HDAC5: variants seen among roughly 807,000 people sequenced by gnomAD.
HDAC5 encodes the protein histone deacetylase 5.
Under a neutral mutation model 133.3 loss-of-function variants are expected in HDAC5, and 25 were observed. The observed-to-expected ratio is 0.19, with a 90% CI of 0.14 to 0.26. The LOEUF is 0.26. Among genes scored for constraint, HDAC5 ranks in the 10% least tolerant of loss-of-function variants. HDAC5 has a pLI of 1.00. For synonymous variants in HDAC5, 589 were observed against 610.8 expected (o/e 0.96, Z 0.53); for missense variants, 1,041 against 1,460.5 (o/e 0.71, Z 4.68).
chr17:44,096,271 G>A (rs763410043), intron 3 of HDAC5, among the ~76,000 whole-genome samples: 32 of 152,052 alleles, frequency 2.1e-4, no homozygotes, highest in Middle Eastern at 6.8e-3. Flanking sequence ...CCTCGCTACA[G>A]CCCAGGGAGG....
At chr17:44,087,323 T>TGGGGGAGAGGGAAAGACA in intron 13 of HDAC5, 89 bp downstream of exon 13, 2 of 685,000 alleles carry the variant, frequency 2.9e-6, no homozygotes, top group South Asian at 3.4e-5. Flanking sequence ...AAACTGCAGA[T>TGGGGGAGAGGGAAAGACA]GGGGGAGAGG....
chr17:44,106,599 T>C (rs183961201), intron 3 of HDAC5, among the ~76,000 whole-genome samples: 130 of 152,222 alleles, frequency 8.5e-4, no homozygotes, highest in African/African-American at 3.0e-3. Context: ...GAAGCTTTTT[T>C]TTTTTTTTGA....
At position 44,118,498 on chromosome 17, in the gene HDAC5, C is replaced by T. The variant is rs905145513; in HGVS notation, c.-189-794G>A. ...AGGGACGATTTTTTCCCAGTTTGTA[C>T]GAAAGCAACAAAAGGCCCAGCAGTA... On this transcript the variant is annotated intron_variant, in intron 1 of 26. Coordinates refer to ENST00000682912, the MANE Select transcript of HDAC5 (RefSeq NM_005474.5). Among the ~76,000 whole-genome samples the T allele has an allele frequency of 3.3e-5, 5 of 152,074 alleles. No homozygotes were observed. In the East Asian group the frequency reaches 7.7e-4, roughly 23 times the overall value.
Position 44,091,437 on chromosome 17 carries a change from A to C in HDAC5, c.1220T>G (p.Leu407Arg). 2 of 1,548,174 alleles carry C rather than the reference A, an allele frequency of 1.3e-6. No homozygotes were observed. Among genetic ancestry groups the C allele is most frequent in the Non-Finnish European group, 1.7e-6 (2 of 1,148,186 alleles). The change falls in exon 11 of 27, where the codon CTG (leucine) becomes CGG (arginine). Residue 407 changes from leucine (L) to arginine (R), a missense_variant. Around this residue, in one of 9 missense-constraint regions of HDAC5, gnomAD observed 433 missense variants for 531.6 expected, o/e 0.81. Coordinates refer to ENST00000682912, the MANE Select transcript of HDAC5 (RefSeq NM_005474.5). The stretch of plus-strand genomic sequence containing the variant: ...GCCGGTCAGCGTGCCACCCTGCCGC[A>C]GGGACTGGAGGGCCTGCCTCTCGGC... ...QEAERQALQSLRQGGTLTGKF... is the reference protein window; with the variant it reads ...QEAERQALQSRRQGGTLTGKF...
rs753694366 is a variant in HDAC5, at chr17:44,110,895, G to A, written c.23-95C>T. ...CCAGCAGCATGCCAGGGAGGGGGCC[G>A]CCAGAGGCGGGGAGCAGACCGAAGG... is the stretch of plus-strand genomic sequence containing the variant. On this transcript the variant is annotated intron_variant, in intron 2 of 26. Transcript: ENST00000682912. 6.4e-5 allele frequency: 68 copies of A among 1,063,342 alleles called. No homozygotes were observed. The East Asian group carries it at 8.4e-4, about 13-fold the overall frequency. The allele number at this position is 1,063,342 out of a possible 1,614,324, so 65.9% of individuals were successfully genotyped here.
chr17:44,093,260 A>T, intron 5 of HDAC5, 54 bp from the exon 6 acceptor site: 1 of 1,584,638 alleles, frequency 6.3e-7, no homozygotes. Context: ...CCCCCATGGC[A>T]GGGGCAGGCA....
At position 44,082,412 on chromosome 17, in the gene HDAC5, G is replaced by A. The variant is rs1044324395; in HGVS notation, c.2607+173C>T. On this transcript the variant is annotated intron_variant, in intron 20 of 26. Transcript: ENST00000682912. ...GGAGGGAGCCCTGTTGGAATGTGAC[G>A]TTAGTCATCCGGCAGGAGCCCCAGC... 120 of 603,758 alleles carry A rather than the reference G, an allele frequency of 2.0e-4. No individual in the cohort carries two copies. In the Middle Eastern group the frequency reaches 3.1e-3, roughly 15 times the overall value. The allele number at this position is 603,758 out of a possible 1,614,324, so 37.4% of individuals were successfully genotyped here.
intron 2 of HDAC5, among the ~76,000 whole-genome samples, chr17:44,113,442 A>G (rs1042071905): frequency 2.0e-5 from 3 of 152,216 alleles, no homozygotes; most frequent in Non-Finnish European, 4.4e-5. Flanking sequence ...CTCCAAGGCA[A>G]TAAGAGAGGA....
chr17:44,116,249 G>GT (rs1280877248), intron 2 of HDAC5, among the ~76,000 whole-genome samples: 1 of 152,216 alleles, frequency 6.6e-6, no homozygotes, highest in Non-Finnish European at 1.5e-5. Context: ...GCTTGCTGGG[G>GT]TAGTGTCCAG....
intron 3 of HDAC5, among the ~76,000 whole-genome samples, chr17:44,094,402 C>T (rs1199041223): frequency 6.6e-6 from 1 of 151,916 alleles, no homozygotes; most frequent in Non-Finnish European, 1.5e-5. Context: ...CTTTGGGAGG[C>T]TGAGGCGGGT....
intron 3 of HDAC5, among the ~76,000 whole-genome samples, chr17:44,109,155 G>A (rs962191567): frequency 1.3e-5 from 2 of 152,222 alleles, no homozygotes; most frequent in African/African-American, 4.8e-5. Context: ...AAGGAACAGA[G>A]GCGACAGGGC....
At chr17:44,107,190 G>T (rs2052010011) in intron 3 of HDAC5, among the ~76,000 whole-genome samples, 3 of 152,064 alleles carry the variant, frequency 2.0e-5, no homozygotes, top group Non-Finnish European at 4.4e-5. Flanking sequence ...GGCCTGAAGT[G>T]ATCTTCCTCC....
At chr17:44,100,170 TA>T (rs2143414899) in intron 3 of HDAC5, among the ~76,000 whole-genome samples, 1 of 152,124 alleles carries the variant, frequency 6.6e-6, no homozygotes, top group Non-Finnish European at 1.5e-5. Context: ...GAATTCACAA[TA>T]AAAAACAGAT....
At chr17:44,095,266 T>A (rs376261614) in intron 3 of HDAC5, among the ~76,000 whole-genome samples, 3 of 152,310 alleles carry the variant, frequency 2.0e-5, no homozygotes, top group African/African-American at 7.2e-5. Context: ...GGTGATCCAA[T>A]AACTAGAATA....
chr17:44,111,407 G>C (rs1475738547), intron 2 of HDAC5: 1 of 373,682 alleles, frequency 2.7e-6, no homozygotes, highest in Non-Finnish European at 5.3e-6. Flanking sequence ...AACAGGGGAG[G>C]GCCTGCACTC....
intron 3 of HDAC5, among the ~76,000 whole-genome samples, chr17:44,100,813 G>A (rs185515422): frequency 3.5e-4 from 52 of 149,334 alleles, no homozygotes; most frequent in Middle Eastern, 3.4e-3. Context: ...TTTTGGAGAC[G>A]GAGTCTCGCT....
At chr17:44,098,739 T>TGAA (rs1555547157) in intron 3 of HDAC5, among the ~76,000 whole-genome samples, 2 of 123,782 alleles carry the variant, frequency 1.6e-5, no homozygotes, top group Non-Finnish European at 3.3e-5. Context: ...AGACCCTATC[T>TGAA]AAAAAAAAAA....
rs1194260807 is a variant in HDAC5 at position 44,086,632 on chromosome 17, C to T, written c.1990G>A (p.Ala664Thr). The T allele has an allele frequency of 1.5e-6, 2 of 1,302,662 alleles. No individual in the cohort carries two copies. Among genetic ancestry groups the T allele is most frequent in the African/African-American group, 3.0e-5 (2 of 66,276 alleles). 80.7% of individuals were successfully genotyped at this position (1,302,662 alleles called of 1,614,324 possible). A position where few individuals can be genotyped will look rare whatever the true frequency, so the allele number is the denominator to read the frequency against. The change falls in exon 14 of 27, where the codon GCT (alanine) becomes ACT (threonine). Residue 664 changes from alanine to threonine, a missense_variant. Physicochemically the swap from Ala to Thr is moderately conservative, Grantham distance 58. Around this residue, in one of 9 missense-constraint regions of HDAC5, gnomAD observed 433 missense variants for 531.6 expected, o/e 0.81. Transcript: ENST00000682912. ...QALGRTQSSP[A>T]APGGMKSPPD... ...GGGCTCTTCATGCCCCCAGGGGCAG[C>T]AGGGGAGGACTGGGTACGGCCCAGG...
At position 44,077,042 on chromosome 17, in the gene HDAC5, T is replaced by G. The variant is rs530705898; in HGVS notation, c.*1334A>C. 6.5e-6 allele frequency: 1 copy of G among 153,096 alleles called. No individual in the cohort carries two copies. Among genetic ancestry groups the G allele is most frequent in the South Asian group, 2.1e-4 (1 of 4,824 alleles). The allele number at this position is 153,096 out of a possible 1,614,324, so 9.5% of individuals were successfully genotyped here. A position where few individuals can be genotyped will look rare whatever the true frequency, so the allele number is the denominator to read the frequency against. ...GACTCCTGCCCCTCCCCTGGCTCCC[T>G]CAATCCTGCTCAGGCCCCCATAGGA... On this transcript the variant is annotated 3_prime_UTR_variant, in exon 27 of 27. Coordinates refer to ENST00000682912, the MANE Select transcript of HDAC5 (RefSeq NM_005474.5).
Sources: gnomAD v4.1 joint callset for allele counts (sites outside exome capture counted in the v4.1 genomes callset) on GRCh38, gnomAD v4.1.1 for gene constraint, gnomAD v4.1.1 regional missense constraint, MANE v1.5 for transcripts, NCBI Gene and HGNC (gene_info 2026-07-23, HGNC 2026-07-21) for gene names.